Variants in RANBP17 observed in about 807,000 individuals in gnomAD.
RANBP17 encodes the protein ran-binding protein 17.
Under a neutral mutation model 141.2 loss-of-function variants are expected in RANBP17, and 158 were observed. The observed-to-expected ratio is 1.12, with a 90% CI of 0.98 to 1.28. RANBP17 has a LOEUF of 1.28. Among genes scored for constraint, RANBP17 ranks in the 50% most tolerant of loss-of-function variants. The probability of loss-of-function intolerance (pLI) is 0.00; values close to 1 mark genes in which losing one functional copy is unlikely to be tolerated. For missense variants in RANBP17, 1,438 were observed against 1,290.7 expected, an observed-to-expected ratio of 1.11 and a Z score of -1.75; for synonymous variants, 430 against 450.0, an observed-to-expected ratio of 0.96 and a Z score of 0.56.
chr5:171,160,011 T>C (rs987023043), intron 14 of RANBP17, among the ~76,000 whole-genome samples: 1 of 151,958 alleles, frequency 6.6e-6, no homozygotes, highest in Non-Finnish European at 1.5e-5. Context: ...TGATAACTTA[T>C]TGGACACAGT....
chr5:171,079,602 G>T (rs1183783062), intron 14 of RANBP17, among the ~76,000 whole-genome samples: 2 of 152,108 alleles, frequency 1.3e-5, no homozygotes, highest in Non-Finnish European at 2.9e-5. Flanking sequence ...ACCCTTATCG[G>T]TCAGAAGACA....
chr5:170,950,284 C>T (rs1338810382), intron 12 of RANBP17, among the ~76,000 whole-genome samples: 1 of 151,732 alleles, frequency 6.6e-6, no homozygotes, highest in Non-Finnish European at 1.5e-5. Context: ...AGGAAACAGT[C>T]AACAGAGTGA....
chr5:171,282,108 G>C (rs1767894624), intron 25 of RANBP17, among the ~76,000 whole-genome samples: 1 of 152,164 alleles, frequency 6.6e-6, no homozygotes, highest in Non-Finnish European at 1.5e-5. Flanking sequence ...TGGGGCATTT[G>C]ATAAGTCTAT....
intron 14 of RANBP17, among the ~76,000 whole-genome samples, chr5:171,023,638 A>C (rs188394595): frequency 2.6e-5 from 4 of 152,218 alleles, no homozygotes; most frequent in Admixed American, 2.6e-4. Context: ...CCAGTTTGGC[A>C]TTTTGTTTTT....
intron 24 of RANBP17, among the ~76,000 whole-genome samples, chr5:171,261,103 C>CAAAA (rs769751807): frequency 7.3e-5 from 4 of 54,914 alleles, no homozygotes; most frequent in Non-Finnish European, 1.1e-4. Context: ...AAAAAAAAAC[C>CAAAA]AAAAGAAAAA....
intron 14 of RANBP17, among the ~76,000 whole-genome samples, chr5:170,993,061 C>G (rs1252990349): frequency 5.3e-5 from 8 of 151,932 alleles, no homozygotes; most frequent in Admixed American, 5.3e-4. Flanking sequence ...GGTAATATCC[C>G]CTGCCCCTTT....
intron 19 of RANBP17, among the ~76,000 whole-genome samples, chr5:171,201,766 TAAAC>T (rs960168409): frequency 1.3e-5 from 2 of 152,242 alleles, no homozygotes. Flanking sequence ...TGCTTTATCA[TAAAC>T]AAAACTTTTG....
At chr5:171,148,242 C>G (rs917039034) in intron 14 of RANBP17, among the ~76,000 whole-genome samples, 2 of 152,184 alleles carry the variant, frequency 1.3e-5, no homozygotes, top group African/African-American at 2.4e-5. Flanking sequence ...AATCAGGACA[C>G]AAACACTGCG....
rs145830341 is a variant in RANBP17, at chr5:171,071,547, C to G, written c.1711-98583C>G. Among the ~76,000 whole-genome samples, 867 of 148,190 alleles carry G rather than the reference C, an allele frequency of 5.9e-3. 7 individuals carry two copies. The highest frequency in any genetic ancestry group is 0.01 in the Non-Finnish European group (676 of 67,314). On this transcript the variant is annotated intron_variant, in intron 14 of 27. Coordinates refer to ENST00000523189, the MANE Select transcript of RANBP17 (RefSeq NM_022897.5). The stretch of plus-strand genomic sequence containing the variant: ...CAGAATAGAGAGCTCAGAAATAGAC[C>G]CACACAAATATTATCAACTGACTGT...
At chr5:171,295,801 A>G in intron 26 of RANBP17, 86 bp from the exon 27 acceptor site, 1 of 1,462,442 alleles carries the variant, frequency 6.8e-7, no homozygotes, top group Non-Finnish European at 9.4e-7. Context: ...CCCTGAGTAG[A>G]TGAGAGCTGC....
At chr5:171,216,647 T>G (rs1369211998) in intron 21 of RANBP17, among the ~76,000 whole-genome samples, 1 of 152,206 alleles carries the variant, frequency 6.6e-6, no homozygotes, top group Non-Finnish European at 1.5e-5. Context: ...GTTCTGTTCC[T>G]AAGTATTGTA....
intron 14 of RANBP17, among the ~76,000 whole-genome samples, chr5:171,161,804 G>A (rs983287807): frequency 2.6e-5 from 4 of 152,010 alleles, no homozygotes; most frequent in African/African-American, 9.7e-5. Flanking sequence ...TGGCTACATT[G>A]AATAGCATCT....
Position 170,879,476 on chromosome 5 carries a change from TA to T in RANBP17, c.165+1235del, listed in dbSNP as rs1294549658. ...TGAATAGAGAGCTCACTACTTGTTT[TA>T]ACTTTTGACAATGTGGGAAGTATAT... On this transcript the variant is annotated intron_variant, in intron 2 of 27. Transcript: ENST00000523189. Among the ~76,000 whole-genome samples, 6 of 152,274 alleles carry T rather than the reference TA, an allele frequency of 3.9e-5. 1 individual carries two copies. The highest frequency in any genetic ancestry group is 1.2e-4 in the African/African-American group (5 of 41,588).
At position 170,926,196 on chromosome 5, in the gene RANBP17, T is replaced by TG. The variant is rs72532751; in HGVS notation, c.1468+1646_1468+1647insG. Among the ~76,000 whole-genome samples, 5 of 151,830 alleles carry TG rather than the reference T, an allele frequency of 3.3e-5. No homozygotes were observed. In the East Asian group the frequency reaches 7.8e-4, roughly 24 times the overall value. On this transcript the variant is annotated intron_variant, in intron 12 of 27. Transcript: ENST00000523189. ...CCATCGCAACTACTCAAGTCTGCCT[T>TG]TAGCCAGGAAGCAGCCGTAGACCAT...
At chr5:171,251,233 C>A (rs1765539691) in intron 24 of RANBP17, among the ~76,000 whole-genome samples, 1 of 152,066 alleles carries the variant, frequency 6.6e-6, no homozygotes, top group Non-Finnish European at 1.5e-5. Flanking sequence ...GGACTACAGG[C>A]ATGTGCCACC....
At chr5:170,973,532 C>T (rs773904890) in intron 14 of RANBP17, among the ~76,000 whole-genome samples, 6 of 152,138 alleles carry the variant, frequency 3.9e-5, no homozygotes, top group African/African-American at 7.2e-5. Flanking sequence ...GGAATACATT[C>T]ATAATACATG....
At chr5:170,920,647 G>C (rs1772371262) in intron 11 of RANBP17, among the ~76,000 whole-genome samples, 1 of 151,536 alleles carries the variant, frequency 6.6e-6, no homozygotes, top group South Asian at 2.1e-4. Context: ...AAGTTCTAGG[G>C]TACATGTGCA....
rs949046953 is a variant in RANBP17 at position 170,965,219 on chromosome 5, T to C, written c.1575-3023T>C. ...TTCTTTTGAGAAGTATCTGTTCATG[T>C]CTTTTGCCCACTTTTTGATGGGGTT... On this transcript the variant is annotated intron_variant, in intron 13 of 27. Transcript: ENST00000523189. Among the ~76,000 whole-genome samples the C allele has an allele frequency of 8.9e-4, 132 of 148,780 alleles. 2 individuals carry two copies. Among genetic ancestry groups the C allele is most frequent in the African/African-American group, 3.1e-3 (128 of 40,810 alleles).
intron 14 of RANBP17, among the ~76,000 whole-genome samples, chr5:171,149,310 T>C (rs1445981582): frequency 4.6e-5 from 7 of 152,236 alleles, no homozygotes; most frequent in Non-Finnish European, 8.8e-5. Context: ...CATAGTTATA[T>C]ATATTTTCTC....
Sources: gnomAD v4.1 joint callset for allele counts (sites outside exome capture counted in the v4.1 genomes callset) on GRCh38, gnomAD v4.1.1 for gene constraint, MANE v1.5 for transcripts, NCBI Gene and HGNC (gene_info 2026-07-23, HGNC 2026-07-21) for gene names.